The following CYP4F22 variants were observed in gnomAD, a reference collection of about 807,000 sequenced individuals.
CYP4F22 encodes ultra-long-chain fatty acid omega-hydroxylase.
Under a neutral mutation model 60.4 loss-of-function variants are expected in CYP4F22, and 37 were observed. The observed-to-expected ratio is 0.61, with a 90% confidence interval of 0.47 to 0.81. CYP4F22 has a LOEUF of 0.81. CYP4F22 is among the 30% of genes least tolerant of loss of function. CYP4F22 has a pLI of 0.00. For synonymous variants in CYP4F22, 258 were observed against 280.5 expected (o/e 0.92, Z 0.80); for missense variants, 655 against 715.0 (o/e 0.92, Z 0.96).
At chr19:15,550,784 G>C (rs767441333) in intron 13 of CYP4F22, 28 bp downstream of exon 13, 19 of 1,611,754 alleles carry the variant, frequency 1.2e-5, no homozygotes, top group Non-Finnish European at 1.4e-5. Context: ...CCTAGTCCAA[G>C]CCAGCTGTGT....
intron 12 of CYP4F22, among the ~76,000 whole-genome samples, chr19:15,549,804 T>TA (rs34151824): frequency 0.51 from 74,015 of 145,810 alleles, 18,325 homozygotes; most frequent in Middle Eastern, 0.59. Flanking sequence ...ACCCCATTTC[T>TA]AAAAAAAAAA....
chr19:15,520,024 C>T (rs571640252), intron 1 of CYP4F22, among the ~76,000 whole-genome samples: 2 of 152,096 alleles, frequency 1.3e-5, no homozygotes, highest in East Asian at 3.9e-4. Flanking sequence ...TGTGTGTGCG[C>T]GTGCACAAGT....
At chr19:15,550,824 G>T in intron 13 of CYP4F22, 68 bp downstream of exon 13, 1 of 1,573,586 alleles carries the variant, frequency 6.4e-7, no homozygotes, top group Non-Finnish European at 8.7e-7. Context: ...GATCAGGAAT[G>T]TGCCTCTCAG....
chr19:15,516,082 A>G (rs957337216), intron 1 of CYP4F22: 58 of 152,204 alleles, frequency 3.8e-4, no homozygotes, highest in African/African-American at 1.3e-3. Flanking sequence ...CAGCCATATC[A>G]TAGCAGGACT....
At chr19:15,530,912 G>A (rs1036194896) in intron 4 of CYP4F22, among the ~76,000 whole-genome samples, 4 of 152,000 alleles carry the variant, frequency 2.6e-5, no homozygotes, top group African/African-American at 7.3e-5. Context: ...CAGAGGTATC[G>A]GGACATCTGA....
Position 15,529,795 on chromosome 19 carries a change from C to A in CYP4F22, c.309C>A (p.Val103=). The A allele has an allele frequency of 6.2e-7, 1 of 1,614,138 alleles. No individual in the cohort carries two copies. Among genetic ancestry groups the A allele is most frequent in the Non-Finnish European group, 8.5e-7 (1 of 1,180,036 alleles). ...TACTCTTGGTATGGATGGGACCTGT[C>A]CTGCCGCTGTTGGTTCTGGTGCACC... The part of the protein sequence containing the change: ...HHVLLVWMGP[V]LPLLVLVHPD... The change falls in exon 4 of 14, where the codon GTC becomes GTA. Residue 103 remains valine, a synonymous_variant. Transcript: ENST00000269703.
chr19:15,550,890 C>T, intron 13 of CYP4F22, 134 bp downstream of exon 13: 1 of 1,059,856 alleles, frequency 9.4e-7, no homozygotes, highest in Non-Finnish European at 1.4e-6. Context: ...CACCCTCTCC[C>T]CAATGCGCCA....
At chr19:15,530,932 C>T (rs779713703) in intron 4 of CYP4F22, among the ~76,000 whole-genome samples, 6 of 152,134 alleles carry the variant, frequency 3.9e-5, no homozygotes, top group Non-Finnish European at 7.4e-5. Flanking sequence ...AGAGAACTCA[C>T]TCTCAAATGA....
intron 1 of CYP4F22, among the ~76,000 whole-genome samples, chr19:15,521,847 A>G (rs936299599): frequency 1.1e-4 from 16 of 151,932 alleles, no homozygotes; most frequent in African/African-American, 3.4e-4. Flanking sequence ...GTTTAATCTT[A>G]AAAGGAACCA....
At chr19:15,535,529 T>C (rs750875579) in intron 4 of CYP4F22, among the ~76,000 whole-genome samples, 7 of 152,188 alleles carry the variant, frequency 4.6e-5, no homozygotes, top group Non-Finnish European at 8.8e-5. Context: ...CCCAAATCTG[T>C]TCAGTATATA....
At chr19:15,531,335 G>T (rs946563718) in intron 4 of CYP4F22, among the ~76,000 whole-genome samples, 2 of 150,502 alleles carry the variant, frequency 1.3e-5, no homozygotes, top group Non-Finnish European at 2.9e-5. Context: ...AGCTATGATT[G>T]CACCACTGCT....
At chr19:15,528,770 G>C (rs1971309961) in intron 3 of CYP4F22, among the ~76,000 whole-genome samples, 1 of 152,070 alleles carries the variant, frequency 6.6e-6, no homozygotes, top group South Asian at 2.1e-4. Context: ...GGTCTCATAG[G>C]GTTCTTGTAC....
At chr19:15,547,022 T>TG (rs1971534604) in intron 10 of CYP4F22, among the ~76,000 whole-genome samples, 2 of 138,318 alleles carry the variant, frequency 1.4e-5, no homozygotes, top group African/African-American at 5.6e-5. Flanking sequence ...GCACCAGTTT[T>TG]TTTTTTTTTT....
chr19:15,527,655 C>T (rs952738692), intron 3 of CYP4F22, among the ~76,000 whole-genome samples: 5 of 152,212 alleles, frequency 3.3e-5, no homozygotes, highest in African/African-American at 1.2e-4. Context: ...TGCAATTGAG[C>T]CCTGGGTGTG....
At chr19:15,527,069 T>C (rs1380740003) in intron 3 of CYP4F22, among the ~76,000 whole-genome samples, 1 of 152,136 alleles carries the variant, frequency 6.6e-6, no homozygotes, top group Admixed American at 6.5e-5. Flanking sequence ...GGCTGGACTT[T>C]CCCTTTTGGA....
chr19:15,509,922 C>CT (rs1555725991), intron 1 of CYP4F22, among the ~76,000 whole-genome samples: 1,684 of 115,396 alleles, frequency 0.015, 44 homozygotes, highest in Non-Finnish European at 0.017. Flanking sequence ...TCTTTCCTTC[C>CT]TTCTTTCTTT....
chr19:15,510,963 TATA>T (rs367575787), intron 1 of CYP4F22, among the ~76,000 whole-genome samples: 24 of 117,418 alleles, frequency 2.0e-4, no homozygotes, highest in African/African-American at 8.0e-4. Flanking sequence ...TATATATATA[TATA>T]TTTTTTTTTT....
chr19:15,520,495 G>C (rs1221613291), intron 1 of CYP4F22, among the ~76,000 whole-genome samples: 1 of 150,912 alleles, frequency 6.6e-6, no homozygotes, highest in Non-Finnish European at 1.5e-5. Context: ...AAAAACTCCA[G>C]CGTAAACAAT....
chr19:15,510,945 C>CATATATATATATATATATATATAT (rs1183507990), intron 1 of CYP4F22, among the ~76,000 whole-genome samples: 5 of 111,596 alleles, frequency 4.5e-5, no homozygotes, highest in African/African-American at 1.4e-4. Context: ...ATAGGGATAC[C>CATATATATATATATATATATATAT]ATATATATAT....
Sources: gnomAD v4.1 joint callset for allele counts (sites outside exome capture counted in the v4.1 genomes callset) on GRCh38, gnomAD v4.1.1 for gene constraint, MANE v1.5 for transcripts, NCBI Gene and HGNC (gene_info 2026-07-23, HGNC 2026-07-21) for gene names.